Variants in SORCS1 observed in about 807,000 individuals in gnomAD.
SORCS1 encodes VPS10 domain-containing receptor SorCS1.
SORCS1 carries 60 observed loss-of-function variants against 146.1 expected under a neutral mutation model. The observed-to-expected ratio is 0.41, with a 90% confidence interval of 0.33 to 0.51. SORCS1 has a LOEUF of 0.51. Among genes scored for constraint, SORCS1 ranks in the 20% least tolerant of loss-of-function variants. The pLI is 0.21. For missense variants in SORCS1, 1,352 were observed against 1,487.6 expected (o/e 0.91, Z 1.50); for synonymous variants, 637 against 584.0 (o/e 1.09, Z -1.31).
chr10:106,878,019 A>G (rs1950657360), intron 2 of SORCS1, among the ~76,000 whole-genome samples: 1 of 152,160 alleles, frequency 6.6e-6, no homozygotes, highest in Admixed American at 6.5e-5. Context: ...CCAAGAGTGA[A>G]TTGAATATTG....
chr10:106,936,203 T>C (rs1321551342), intron 2 of SORCS1, among the ~76,000 whole-genome samples: 2 of 152,194 alleles, frequency 1.3e-5, no homozygotes, highest in African/African-American at 4.8e-5. Context: ...GACACAGCCC[T>C]TCACCAGTCT....
intron 2 of SORCS1, among the ~76,000 whole-genome samples, chr10:106,914,244 G>GT (rs1045547443): frequency 2.0e-5 from 3 of 152,006 alleles, no homozygotes; most frequent in South Asian, 2.1e-4. Flanking sequence ...TTCTTATGCT[G>GT]TTTTTTTTCT....
At chr10:106,581,593 T>C (rs1358861121) in intron 24 of SORCS1, among the ~76,000 whole-genome samples, 1 of 151,826 alleles carries the variant, frequency 6.6e-6, no homozygotes, top group Non-Finnish European at 1.5e-5. Flanking sequence ...TATGTGTGCA[T>C]GCAAACACAC....
chr10:106,722,257 C>T (rs1003081336), intron 6 of SORCS1, among the ~76,000 whole-genome samples: 4 of 152,022 alleles, frequency 2.6e-5, no homozygotes, highest in African/African-American at 9.7e-5. Context: ...ATAGTAAACA[C>T]ACTCTGTAGC....
intron 2 of SORCS1, among the ~76,000 whole-genome samples, chr10:106,857,190 A>T (rs371590978): frequency 6.6e-5 from 10 of 152,306 alleles, no homozygotes; most frequent in African/African-American, 2.4e-4. Context: ...TGAAGGGTGA[A>T]TGAATGCCTA....
At chr10:106,631,586 G>T (rs927424552) in intron 18 of SORCS1, among the ~76,000 whole-genome samples, 1 of 152,154 alleles carries the variant, frequency 6.6e-6, no homozygotes, top group African/African-American at 2.4e-5. Context: ...CACTAGAGAG[G>T]GGGGAGGACA....
chr10:107,147,623 G>C (rs529059738), intron 1 of SORCS1, among the ~76,000 whole-genome samples: 4 of 152,316 alleles, frequency 2.6e-5, no homozygotes, highest in Middle Eastern at 3.4e-3. Flanking sequence ...AATCAGGATA[G>C]TGAAAACTAT....
chr10:106,900,889 A>C (rs990605956), intron 2 of SORCS1, among the ~76,000 whole-genome samples: 1 of 152,222 alleles, frequency 6.6e-6, no homozygotes, highest in Non-Finnish European at 1.5e-5. Context: ...AAAATTCGGT[A>C]AATTTAGAGC....
intron 1 of SORCS1, among the ~76,000 whole-genome samples, chr10:107,029,291 T>C (rs1415950829): frequency 6.6e-6 from 1 of 152,230 alleles, no homozygotes; most frequent in Non-Finnish European, 1.5e-5. Context: ...TAAAGGCATT[T>C]GCATGATGGC....
At chr10:107,109,293 G>A (rs1343710543) in intron 1 of SORCS1, among the ~76,000 whole-genome samples, 2 of 152,156 alleles carry the variant, frequency 1.3e-5, no homozygotes, top group African/African-American at 2.4e-5. Flanking sequence ...TTACACCCCT[G>A]CAGCAGGCTT....
Position 106,688,249 on chromosome 10 carries a change from C to T in SORCS1, c.1503G>A (p.Trp501Ter). The part of the protein sequence containing the change: ...TFITYNKGRD[W>*]RLLQAPDTDL... The stretch of plus-strand genomic sequence containing the variant: ...CCGTGTCCGGCGCCTGCAGCAAACG[C>T]CAGTCTCTGCCTTTGTTATATGTGA... Residue 501 changes from tryptophan to a stop codon, truncating the protein, a stop_gained, in exon 10 of 26, where the codon TGG becomes TGA. Transcript: ENST00000263054. LOFTEE classifies it high-confidence loss of function. 3.7e-6 allele frequency: 6 copies of T among 1,614,074 alleles called. No homozygotes were observed. Among genetic ancestry groups the T allele is most frequent in the Non-Finnish European group, 5.1e-6 (6 of 1,179,958 alleles).
chr10:107,032,045 G>A (rs1958679141), intron 1 of SORCS1, among the ~76,000 whole-genome samples: 1 of 152,126 alleles, frequency 6.6e-6, no homozygotes, highest in South Asian at 2.1e-4. Flanking sequence ...GGACTCAGTG[G>A]TAGCATTTGC....
At chr10:107,107,564 C>T (rs1163915941) in intron 1 of SORCS1, among the ~76,000 whole-genome samples, 1 of 152,186 alleles carries the variant, frequency 6.6e-6, no homozygotes, top group Non-Finnish European at 1.5e-5. Flanking sequence ...AATGAGGTAA[C>T]ATCAGCAAAA....
At chr10:106,953,948 C>T (rs1954819753) in intron 2 of SORCS1, among the ~76,000 whole-genome samples, 1 of 152,166 alleles carries the variant, frequency 6.6e-6, no homozygotes, top group Non-Finnish European at 1.5e-5. Context: ...AGATTTCACC[C>T]AAGTAGACTG....
chr10:106,879,193 T>C (rs1019586635), intron 2 of SORCS1, among the ~76,000 whole-genome samples: 10 of 151,388 alleles, frequency 6.6e-5, no homozygotes, highest in African/African-American at 2.2e-4. Flanking sequence ...GAGTGAGCAA[T>C]GGTGAGCATG....
intron 2 of SORCS1, among the ~76,000 whole-genome samples, chr10:106,917,712 G>C (rs1227443705): frequency 6.6e-6 from 1 of 152,208 alleles, no homozygotes; most frequent in Non-Finnish European, 1.5e-5. Flanking sequence ...CTGAGAAGCA[G>C]TGGATTAAGT....
chr10:107,084,156 T>C (rs1234196404), intron 1 of SORCS1, among the ~76,000 whole-genome samples: 1 of 144,846 alleles, frequency 6.9e-6, no homozygotes, highest in African/African-American at 2.6e-5. Flanking sequence ...AGTGCAGTGG[T>C]GAGATCTCGG....
chr10:106,780,518 C>G (rs1860806317), intron 3 of SORCS1, among the ~76,000 whole-genome samples: 1 of 152,140 alleles, frequency 6.6e-6, no homozygotes, highest in Admixed American at 6.6e-5. Context: ...AAAGCTTGTT[C>G]CATAGTAGGT....
At chr10:107,003,029 G>A (rs900642526) in intron 1 of SORCS1, among the ~76,000 whole-genome samples, 3 of 152,204 alleles carry the variant, frequency 2.0e-5, no homozygotes, top group Admixed American at 2.0e-4. Context: ...GCCAAGGCAG[G>A]TGGATCACCT....
Sources: allele counts gnomAD v4.1 joint callset (sites outside exome capture counted in the v4.1 genomes callset), GRCh38; gene constraint gnomAD v4.1.1; transcripts MANE v1.5; gene names NCBI Gene and HGNC (gene_info 2026-07-23, HGNC 2026-07-21).